The following MFSD2B variants were observed in gnomAD, a reference collection of about 807,000 sequenced individuals.
The protein encoded by MFSD2B is MFSD2 lysolipid transporter B, sphingolipid.
In MFSD2B, 56 loss-of-function variants were observed where a neutral mutation model predicts 58.4. The ratio of observed to expected loss-of-function variants is 0.96; its 90% CI spans 0.77 to 1.20. MFSD2B has a LOEUF of 1.20. Ranked by LOEUF, MFSD2B falls within the 50% of genes most tolerant of loss-of-function variation. The pLI is 0.00. For missense variants in MFSD2B, 645 were observed against 667.6 expected (o/e 0.97, Z 0.37); for synonymous variants, 287 against 294.4 (o/e 0.97, Z 0.26).
rs999501189 is a variant in MFSD2B, at chr2:24,025,635, G to C, written c.*179G>C. On this transcript the variant is annotated 3_prime_UTR_variant, in exon 14 of 14. Coordinates refer to ENST00000338315, the MANE Select transcript of MFSD2B (RefSeq NM_001346880.2). ...GGCCCGCACTCCAGGACCCCACTTG[G>C]CATTTCTTGTCTGTTGCCTTCAGAC... 3.3e-6 allele frequency: 2 copies of C among 612,802 alleles called. No individual in the cohort carries two copies. Among genetic ancestry groups the C allele is most frequent in the Non-Finnish European group, 5.8e-6 (2 of 342,698 alleles). 38.0% of individuals were successfully genotyped at this position (612,802 alleles called of 1,614,324 possible).
rs201017756 is a variant in MFSD2B, at chr2:24,013,245, G to C, written c.97-40G>C. On this transcript the variant is annotated intron_variant, in intron 1 of 13. Transcript: ENST00000338315. ...CATGGGGTGTGGGGACCTGTTTTGT[G>C]TCTGTTGGGAGAAGGGCTTAGTTCC... 3.4e-4 allele frequency: 522 copies of C among 1,546,662 alleles called. 7 individuals carry two copies. In the East Asian group the frequency reaches 0.012, roughly 35 times the overall value.
At position 24,021,818 on chromosome 2, in the gene MFSD2B, G is replaced by A. The variant is rs375422477; in HGVS notation, c.773-31G>A. ...GGCAGGTTTTGCTTTTGAACTCTGC[G>A]AAGCCAAGGTGACACGCTTCTGCGT... On this transcript the variant is annotated intron_variant, in intron 7 of 13. Transcript: ENST00000338315. This position sits in a 1 kb window ranked among gnomAD's most constrained non-coding sequence, Gnocchi z 5.7. The A allele has an allele frequency of 7.4e-6, 12 of 1,613,506 alleles. No individual in the cohort carries two copies. Among genetic ancestry groups the A allele is most frequent in the Admixed American group, 6.7e-5 (4 of 59,988 alleles).
intron 1 of MFSD2B, among the ~76,000 whole-genome samples, chr2:24,011,943 G>A (rs1388760965): frequency 1.3e-5 from 2 of 152,130 alleles, no homozygotes. Context: ...GAATGGGAAG[G>A]GCAAAGGCCC....
rs2150943904 is a variant in MFSD2B, at chr2:24,025,682, C to T, written c.*226C>T. On this transcript the variant is annotated 3_prime_UTR_variant, in exon 14 of 14. Transcript: ENST00000338315. Reference sequence around the variant, plus strand: ...AGACTATCTCAGATAGGCCTGTGCCCCTGACTAGCCCAGTAGCACTTGTCT... The same window carrying T: ...AGACTATCTCAGATAGGCCTGTGCCTCTGACTAGCCCAGTAGCACTTGTCT... 1.9e-6 allele frequency: 1 copy of T among 537,054 alleles called. No individual in the cohort carries two copies. Among genetic ancestry groups the T allele is most frequent in the Non-Finnish European group, 3.3e-6 (1 of 299,706 alleles). 33.3% of individuals were successfully genotyped at this position (537,054 alleles called of 1,614,324 possible).
chr2:24,023,678 C>A lies in MFSD2B; in HGVS notation c.1265C>A (p.Thr422Asn). Residue 422 changes from threonine to asparagine, a missense_variant, in exon 12 of 14, where the codon ACC becomes AAC. Physicochemically the swap from Thr to Asn is moderately conservative, Grantham distance 65. Transcript: ENST00000338315. The surrounding 1 kb of genome is among the most constrained non-coding windows in gnomAD (Gnocchi z 5.0). ...TTCTACTCCTCCTACGTCTTCTTCA[C>A]CAAGCTGTCTGGCGCATGTGCCCTG... The part of the protein sequence containing the change: ...TIFYSSYVFF[T>N]KLSGACALGI... 1 of 1,613,966 alleles carries A rather than the reference C, an allele frequency of 6.2e-7. No homozygotes were observed. Among genetic ancestry groups the A allele is most frequent in the Non-Finnish European group, 8.5e-7 (1 of 1,179,850 alleles).
intron 2 of MFSD2B, among the ~76,000 whole-genome samples, chr2:24,015,214 C>A (rs1220121151): frequency 2.6e-5 from 4 of 151,632 alleles, no homozygotes; most frequent in Non-Finnish European, 5.9e-5. Context: ...GGCGGGAGGA[C>A]CGTCTAAGCT....
Position 24,021,636 on chromosome 2 carries a change from C to T in MFSD2B, c.682-12C>T, listed in dbSNP as rs1662789886. The T allele has an allele frequency of 9.3e-6, 15 of 1,608,808 alleles. No homozygotes were observed. Among genetic ancestry groups the T allele is most frequent in the Non-Finnish European group, 1.3e-5 (15 of 1,177,382 alleles). ...AAGACATCACCCATCCCAGTCCTGT[C>T]CTGTCCCACAGGCCCATCTCTACTG... On this transcript the variant is annotated splice_polypyrimidine_tract_variant and intron_variant, in intron 6 of 13. Coordinates refer to ENST00000338315, the MANE Select transcript of MFSD2B (RefSeq NM_001346880.2). The surrounding 1 kb of genome is among the most constrained non-coding windows in gnomAD (Gnocchi z 5.7).
Position 24,020,256 on chromosome 2 carries a change from A to G in MFSD2B, c.682-1392A>G, listed in dbSNP as rs1256861906. On this transcript the variant is annotated intron_variant, in intron 6 of 13. Transcript: ENST00000338315. This position sits in a 1 kb window ranked among gnomAD's most constrained non-coding sequence, Gnocchi z 4.1. Reference sequence around the variant, plus strand: ...AGAGCCTCATGTGAGCAGAGACTGGATGCTCTTGGTGGCTCACAACCCACT... The same window carrying G: ...AGAGCCTCATGTGAGCAGAGACTGGGTGCTCTTGGTGGCTCACAACCCACT... Among the ~76,000 whole-genome samples the G allele has an allele frequency of 1.3e-5, 2 of 152,162 alleles. No individual in the cohort carries two copies. The highest frequency in any genetic ancestry group is 4.8e-5 in the African/African-American group (2 of 41,428).
chr2:24,022,623 T>A lies in MFSD2B; in HGVS notation c.978+107T>A, dbSNP rs1414071977. 9.7e-7 allele frequency: 1 copy of A among 1,025,736 alleles called. No homozygotes were observed. Among genetic ancestry groups the A allele is most frequent in the Non-Finnish European group, 1.4e-6 (1 of 698,648 alleles). The allele number at this position is 1,025,736 out of a possible 1,614,324, so 63.5% of individuals were successfully genotyped here. A position where few individuals can be genotyped will look rare whatever the true frequency, so the allele number is the denominator to read the frequency against. On this transcript the variant is annotated intron_variant, in intron 9 of 13. Transcript: ENST00000338315. This position sits in a 1 kb window ranked among gnomAD's most constrained non-coding sequence, Gnocchi z 4.5. ...TGGCCAGAGTTCTGGTGGTCAACAT[T>A]TTGGACTTTGCTTTGGTCTTGGTCA...
intron 6 of MFSD2B, among the ~76,000 whole-genome samples, chr2:24,019,559 C>T (rs919316794): frequency 6.6e-6 from 1 of 152,030 alleles, no homozygotes; most frequent in African/African-American, 2.4e-5. Flanking sequence ...CCCATCATTA[C>T]TAAAAATACA....
rs759305073 is a variant in MFSD2B, at chr2:24,022,490, G to A, written c.952G>A (p.Val318Ile). The change falls in exon 9 of 14, where the codon GTC becomes ATC. Residue 318 changes from valine to isoleucine, a missense_variant. Transcript: ENST00000338315. The surrounding 1 kb of genome is among the most constrained non-coding windows in gnomAD (Gnocchi z 4.5). ...ACATGCCTCCCAGCTACACGACCACGTCCAGGGCCTGGTACTAACTGTCCT... is the reference window on the plus strand; with the variant it reads ...ACATGCCTCCCAGCTACACGACCACATCCAGGGCCTGGTACTAACTGTCCT... ...CTHASQLHDHVQGLVLTVLVS... is the reference protein window; with the variant it reads ...CTHASQLHDHIQGLVLTVLVS... 5.5e-5 allele frequency: 89 copies of A among 1,613,244 alleles called. No individual in the cohort carries two copies. The highest frequency in any genetic ancestry group is 1.6e-4 in the Middle Eastern group (1 of 6,084).
At position 24,023,576 on chromosome 2, in the gene MFSD2B, G is replaced by A. The variant is rs776903268; in HGVS notation, c.1170-7G>A. On this transcript the variant is annotated splice_polypyrimidine_tract_variant and splice_region_variant and intron_variant, in intron 11 of 13. Coordinates refer to ENST00000338315, the MANE Select transcript of MFSD2B (RefSeq NM_001346880.2). The surrounding 1 kb of genome is among the most constrained non-coding windows in gnomAD (Gnocchi z 5.0). ...CTAGGAGGGCTAACTCCACACCCCC[G>A]CCGCAGGTCCATGCTGCCAGACGTG... 1.3e-5 allele frequency: 21 copies of A among 1,612,692 alleles called. No individual in the cohort carries two copies. The highest frequency in any genetic ancestry group is 6.7e-5 in the Admixed American group (4 of 59,824).
intron 13 of MFSD2B, among the ~76,000 whole-genome samples, 194 bp from the exon 14 acceptor site, chr2:24,025,238 C>A (rs368316510): frequency 6.6e-6 from 1 of 152,156 alleles, no homozygotes; most frequent in East Asian, 1.9e-4. Context: ...GAAGGCCAGG[C>A]GGATGGGGAA....
Position 24,024,204 on chromosome 2 carries a change from ATCC to A in MFSD2B, c.1426_1428del (p.Leu476del). ...CTGCATGATCCTTGCTGGGCTCTGC[ATCC>A]TCATGGTCGGCTCCACTCCAAAGAC... On this transcript the variant is annotated inframe_deletion, in exon 13 of 14. Transcript: ENST00000338315. This position sits in a 1 kb window ranked among gnomAD's most constrained non-coding sequence, Gnocchi z 4.3. The A allele has an allele frequency of 6.2e-7, 1 of 1,613,548 alleles. No homozygotes were observed. Among genetic ancestry groups the A allele is most frequent in the Non-Finnish European group, 8.5e-7 (1 of 1,179,698 alleles).
rs1322315406 is a variant in MFSD2B at position 24,016,951 on chromosome 2, T to C, written c.454T>C (p.Phe152Leu). The change falls in exon 4 of 14, where the codon TTC (phenylalanine) becomes CTC (leucine). Residue 152 changes from phenylalanine (F) to leucine (L), a missense_variant. By Grantham distance (22) the Phe-to-Leu change is conservative. Transcript: ENST00000338315. ...GLWYTTFYCL[F>L]QALATFFQVP... ...CTGGTACACGACTTTCTACTGCCTG[T>C]TCCAGGCCCTGGCCACGGTAAGCAG... 2 of 1,613,850 alleles carry C rather than the reference T, an allele frequency of 1.2e-6. No individual in the cohort carries two copies. Among genetic ancestry groups the C allele is most frequent in the Admixed American group, 1.7e-5 (1 of 60,028 alleles).
chr2:24,024,374 G>A lies in MFSD2B; in HGVS notation c.1490+103G>A, dbSNP rs1385133714. 12 of 1,223,054 alleles carry A rather than the reference G, an allele frequency of 9.8e-6. No homozygotes were observed. Among genetic ancestry groups the A allele is most frequent in the Non-Finnish European group, 1.0e-5 (9 of 885,708 alleles). 75.8% of individuals were successfully genotyped at this position (1,223,054 alleles called of 1,614,324 possible). A position where few individuals can be genotyped will look rare whatever the true frequency, so the allele number is the denominator to read the frequency against. On this transcript the variant is annotated intron_variant, in intron 13 of 13. Coordinates refer to ENST00000338315, the MANE Select transcript of MFSD2B (RefSeq NM_001346880.2). This position sits in a 1 kb window ranked among gnomAD's most constrained non-coding sequence, Gnocchi z 4.3. ...CATCCCTGCTGTGTCACACAGTCCT[G>A]CCTCTGGGACCTCTTTCCTTAGCTC... is the stretch of plus-strand genomic sequence containing the variant.
rs1709217498 is a variant in MFSD2B, at chr2:24,017,872, G to A, written c.681+284G>A. The stretch of plus-strand genomic sequence containing the variant: ...GGCCAGCCCCAGAGGAGGGGCGAGG[G>A]TGGGGAAAGCCGCAGGACAGGCTAG... On this transcript the variant is annotated intron_variant, in intron 6 of 13. Transcript: ENST00000338315. This position sits in a 1 kb window ranked among gnomAD's most constrained non-coding sequence, Gnocchi z 4.8. 6.6e-6 allele frequency among the ~76,000 whole-genome samples: 1 copy of A among 152,306 alleles called. No homozygotes were observed. Among genetic ancestry groups the A allele is most frequent in the South Asian group, 2.1e-4 (1 of 4,824 alleles).
At chr2:24,013,584 G>C (rs1161478032) in intron 2 of MFSD2B, among the ~76,000 whole-genome samples, 174 bp downstream of exon 2, 3 of 152,160 alleles carry the variant, frequency 2.0e-5, no homozygotes, top group African/African-American at 4.8e-5. Context: ...ACTGCAGCCT[G>C]TTTGTAGTGG....
In MFSD2B at chr2:24,017,468, G is replaced by A; in HGVS notation, c.561G>A (p.Val187=). 2 of 1,601,222 alleles carry A rather than the reference G, an allele frequency of 1.2e-6. No homozygotes were observed. The highest frequency in any genetic ancestry group is 1.7e-6 in the Non-Finnish European group (2 of 1,173,960). ...RDSATAYRMT[V]EMAGTLMGAT... ...GCACTCTGTCTCCAGGGATGACTGTGGAGATGGCGGGAACACTGATGGGGG... is the reference window on the plus strand; with the variant it reads ...GCACTCTGTCTCCAGGGATGACTGTAGAGATGGCGGGAACACTGATGGGGG... Residue 187 remains valine (V), a synonymous_variant, in exon 6 of 14, where the codon GTG becomes GTA. Transcript: ENST00000338315. The surrounding 1 kb of genome is among the most constrained non-coding windows in gnomAD (Gnocchi z 4.8).
Sources: allele counts gnomAD v4.1 joint callset (sites outside exome capture counted in the v4.1 genomes callset), GRCh38; gene constraint gnomAD v4.1.1; non-coding constraint Gnocchi (gnomAD v3.1); transcripts MANE v1.5; gene names NCBI Gene and HGNC (gene_info 2026-07-23, HGNC 2026-07-21).